POLD3: variants seen among roughly 807,000 people sequenced by gnomAD.
The protein encoded by POLD3 is DNA polymerase delta subunit 3.
Under a neutral mutation model 58.2 loss-of-function variants are expected in POLD3, and 19 were observed. That is an observed-to-expected ratio of 0.33 (90% confidence interval 0.23 to 0.48). The LOEUF is 0.48. POLD3 is among the 20% of genes least tolerant of loss of function. The probability of loss-of-function intolerance (pLI) is 0.99; values close to 1 mark genes in which losing one functional copy is unlikely to be tolerated. For synonymous variants in POLD3, 172 were observed against 193.5 expected, an observed-to-expected ratio of 0.89 and a Z score of 0.92; for missense variants, 504 against 545.5, an observed-to-expected ratio of 0.92 and a Z score of 0.76.
At chr11:74,636,343 C>T in intron 11 of POLD3, 68 bp downstream of exon 11, 1 of 1,485,494 alleles carries the variant, frequency 6.7e-7, no homozygotes. Flanking sequence ...ACCATAATCC[C>T]TTTTAGAACA....
At chr11:74,632,794 G>A (rs2032629730) in intron 9 of POLD3, among the ~76,000 whole-genome samples, 1 of 151,838 alleles carries the variant, frequency 6.6e-6, no homozygotes, top group Non-Finnish European at 1.5e-5. Flanking sequence ...GGAAGAGAGA[G>A]ATATATGTTG....
At chr11:74,667,331 C>T (rs1036773465) in intron 4 of POLD3, among the ~76,000 whole-genome samples, 2 of 152,060 alleles carry the variant, frequency 1.3e-5, no homozygotes, top group Non-Finnish European at 2.9e-5. Context: ...GTCAGGAGAT[C>T]GAGACCATCC....
Position 74,607,247 on chromosome 11 carries a change from T to TC in POLD3, c.219+2453_219+2454insC, listed in dbSNP as rs1491379655. On this transcript the variant is annotated intron_variant, in intron 3 of 11. Coordinates refer to ENST00000263681, the MANE Select transcript of POLD3 (RefSeq NM_006591.3). ...TGGAATTTATTATTATTATTATATA[T>TC]TTATTTATTTATTTATTTATTTATT... Among the ~76,000 whole-genome samples the TC allele has an allele frequency of 1.1e-3, 103 of 89,640 alleles. 1 individual carries two copies. The highest frequency in any genetic ancestry group is 5.8e-3 in the African/African-American group (100 of 17,096). The allele number at this position is 89,640 out of a possible 152,430, so 58.8% of individuals were successfully genotyped here.
intron 7 of POLD3, among the ~76,000 whole-genome samples, chr11:74,622,998 A>T (rs1299541832): frequency 6.6e-6 from 1 of 152,272 alleles, no homozygotes; most frequent in East Asian, 1.9e-4. Flanking sequence ...AATGTTATTC[A>T]GCTATAAAAA....
intron 6 of POLD3, 49 bp from the exon 7 acceptor site, chr11:74,619,968 A>G: frequency 6.9e-7 from 1 of 1,439,452 alleles, no homozygotes; most frequent in Non-Finnish European, 9.8e-7. Context: ...CTACTTCATG[A>G]ACAGCCTAAA....
intron 2 of POLD3, among the ~76,000 whole-genome samples, chr11:74,602,420 T>G (rs1015647574): frequency 4.6e-5 from 7 of 152,204 alleles, no homozygotes; most frequent in African/African-American, 1.7e-4. Flanking sequence ...GAATTACAGC[T>G]TCCTTCTTTG....
At chr11:74,602,117 C>G (rs1344730889) in intron 2 of POLD3, among the ~76,000 whole-genome samples, 1 of 151,798 alleles carries the variant, frequency 6.6e-6, no homozygotes, top group Admixed American at 6.6e-5. Flanking sequence ...TTTTCTCCTC[C>G]CTTTTTGTGG....
chr11:74,643,215 G>C (rs1278048176), downstream of POLD3, among the ~76,000 whole-genome samples: 2 of 152,174 alleles, frequency 1.3e-5, no homozygotes, highest in Non-Finnish European at 2.9e-5. Context: ...TACGACCCAG[G>C]TGGTATATTC....
At chr11:74,662,581 C>T (rs1231787019) in intron 4 of POLD3, among the ~76,000 whole-genome samples, 1 of 151,892 alleles carries the variant, frequency 6.6e-6, no homozygotes, top group African/African-American at 2.4e-5. Context: ...TTTTACCCTT[C>T]CCTCTCCTCA....
rs575454616 is a variant in POLD3 at position 74,624,646 on chromosome 11, A to G, written c.734-762A>G. ...CGTGAAGGCTAGATGACATGCTTCTATAGTTCCTCAGATGGCTAGGCCTGT... is the reference window on the plus strand; with the variant it reads ...CGTGAAGGCTAGATGACATGCTTCTGTAGTTCCTCAGATGGCTAGGCCTGT... On this transcript the variant is annotated intron_variant, in intron 7 of 11. Transcript: ENST00000263681. Among the ~76,000 whole-genome samples the G allele has an allele frequency of 7.2e-5, 11 of 152,320 alleles. 1 individual carries two copies. Among genetic ancestry groups the G allele is most frequent in the South Asian group, 4.1e-4 (2 of 4,824 alleles).
intron 8 of POLD3, 183 bp from the exon 9 acceptor site, chr11:74,629,034 G>A (rs1259738099): frequency 9.4e-6 from 4 of 423,482 alleles, no homozygotes; most frequent in African/African-American, 2.1e-5. Context: ...ACCTCATGAA[G>A]TGACTTAGTT....
Position 74,641,325 on chromosome 11 carries a change from C to T in POLD3, c.*559C>T, listed in dbSNP as rs2032907134. On this transcript the variant is annotated 3_prime_UTR_variant, in exon 12 of 12. Coordinates refer to ENST00000263681, the MANE Select transcript of POLD3 (RefSeq NM_006591.3). ...CTGAAGTGAAAATCTCCCTGTAATCCTCTTCCTCCATTATGCAGTACACGG... is the reference window on the plus strand; with the variant it reads ...CTGAAGTGAAAATCTCCCTGTAATCTTCTTCCTCCATTATGCAGTACACGG... 1.0e-6 allele frequency: 1 copy of T among 985,420 alleles called. No homozygotes were observed. Among genetic ancestry groups the T allele is most frequent in the Non-Finnish European group, 1.2e-6 (1 of 829,960 alleles). The allele number at this position is 985,420 out of a possible 1,614,324, so 61.0% of individuals were successfully genotyped here.
intron 4 of POLD3, among the ~76,000 whole-genome samples, chr11:74,653,333 A>ACACACACACACACACACG (rs58331480): frequency 0.33 from 49,381 of 151,678 alleles, 8,176 homozygotes; most frequent in South Asian, 0.47. Context: ...ACACACACAC[A>ACACACACACACACACACG]TAGTGTGGTC....
chr11:74,615,728 A>G (rs2032061703), intron 5 of POLD3, among the ~76,000 whole-genome samples: 1 of 152,188 alleles, frequency 6.6e-6, no homozygotes, highest in African/African-American at 2.4e-5. Flanking sequence ...TATGACTGAT[A>G]AAGATGGGTC....
Position 74,634,581 on chromosome 11 carries a change from A to T in POLD3, c.1007-2A>T, listed in dbSNP as rs545460979. ...TGATCTAAGTCCGTTTCATTATTTC[A>T]GTCTTTCCAGACTCTCCTGGGGCTT... is the stretch of plus-strand genomic sequence containing the variant. On this transcript the variant is annotated splice_acceptor_variant, in intron 9 of 11. Coordinates refer to ENST00000263681, the MANE Select transcript of POLD3 (RefSeq NM_006591.3). LOFTEE classifies it high-confidence loss of function. The T allele has an allele frequency of 3.8e-5, 58 of 1,528,312 alleles. No homozygotes were observed. The South Asian group carries it at 4.1e-4, about 11-fold the overall frequency. 94.7% of individuals were successfully genotyped at this position (1,528,312 alleles called of 1,614,324 possible).
Position 74,642,054 on chromosome 11 carries a change from GTC to G in POLD3, c.*1291_*1292del. 5 of 985,456 alleles carry G rather than the reference GTC, an allele frequency of 5.1e-6. No homozygotes were observed. The highest frequency in any genetic ancestry group is 6.0e-6 in the Non-Finnish European group (5 of 829,944). The allele number at this position is 985,456 out of a possible 1,614,324, so 61.0% of individuals were successfully genotyped here. A position where few individuals can be genotyped will look rare whatever the true frequency, so the allele number is the denominator to read the frequency against. ...AGGGGTCAGGCTCAACTGCTGATGT[GTC>G]TCACACGTAGCAGACAAGGGGTGTC... On this transcript the variant is annotated 3_prime_UTR_variant, in exon 12 of 12. Coordinates refer to ENST00000263681, the MANE Select transcript of POLD3 (RefSeq NM_006591.3).
chr11:74,613,632 G>A (rs1303277332), intron 5 of POLD3, among the ~76,000 whole-genome samples: 1 of 152,008 alleles, frequency 6.6e-6, no homozygotes, highest in Non-Finnish European at 1.5e-5. Context: ...TCCTTTGTGG[G>A]GTTGTATTGA....
Position 74,635,652 on chromosome 11 carries a change from G to C in POLD3, c.1120-545G>C, listed in dbSNP as rs144282720. On this transcript the variant is annotated intron_variant, in intron 10 of 11. Coordinates refer to ENST00000263681, the MANE Select transcript of POLD3 (RefSeq NM_006591.3). ...GTTATGATTGCACTTCTGCATTCCA[G>C]CCTGGGCAACAGAGCCAGAACTTGT... Among the ~76,000 whole-genome samples the C allele has an allele frequency of 8.3e-3, 1,271 of 152,284 alleles. 14 individuals carry two copies. The highest frequency in any genetic ancestry group is 0.029 in the African/African-American group (1,210 of 41,552).
intron 5 of POLD3, among the ~76,000 whole-genome samples, chr11:74,613,893 T>C (rs1246808286): frequency 6.6e-6 from 1 of 152,136 alleles, no homozygotes; most frequent in Non-Finnish European, 1.5e-5. Flanking sequence ...CTCCCACTTT[T>C]GGATGGATAG....
Sources: allele counts gnomAD v4.1 joint callset (sites outside exome capture counted in the v4.1 genomes callset), GRCh38; gene constraint gnomAD v4.1.1; transcripts MANE v1.5; gene names NCBI Gene and HGNC (gene_info 2026-07-23, HGNC 2026-07-21).